The following OR1J2 variants were observed in gnomAD, a reference collection of about 807,000 sequenced individuals.
The protein encoded by OR1J2 is olfactory receptor family 1 subfamily J member 2, also known as olfactory receptor 1J2.
For synonymous variants in OR1J2, 142 were observed against 99.7 expected, an observed-to-expected ratio of 1.42 and a Z score of -2.52; for missense variants, 304 against 246.1, an observed-to-expected ratio of 1.24 and a Z score of -1.57.
Position 122,511,225 on chromosome 9 carries a change from G to T in OR1J2, c.424G>T (p.Val142Phe). ...TGTCATCATGAGGGAAGAGCTCTGT[G>T]TCTTCTTAGTGGCTGTATCTTGGAT... is the stretch of plus-strand genomic sequence containing the variant. The part of the protein sequence containing the change: ...YTVIMREELC[V>F]FLVAVSWILS... The change falls in exon 1 of 1, where the codon GTC becomes TTC. Residue 142 changes from valine to phenylalanine, a missense_variant. Transcript: ENST00000335302. 1 of 752,870 alleles carries T rather than the reference G, an allele frequency of 1.3e-6. No homozygotes were observed. The highest frequency in any genetic ancestry group is 2.5e-6 in the Non-Finnish European group (1 of 405,652). The allele number at this position is 752,870 out of a possible 1,614,324, so 46.6% of individuals were successfully genotyped here.
the OR1J2 span, among the ~76,000 whole-genome samples, chr9:122,529,243 G>A: frequency 9.9e-4 from 148 of 148,970 alleles, no homozygotes; most frequent in Middle Eastern, 0.024. Flanking sequence ...GTCCAGAAGG[G>A]TAAGAGATCC....
the OR1J2 span, among the ~76,000 whole-genome samples, chr9:122,451,386 T>C: frequency 6.6e-6 from 1 of 152,018 alleles, no homozygotes; most frequent in African/African-American, 2.4e-5. Flanking sequence ...GGTTTCTCCA[T>C]GTTGGTCAGG....
the OR1J2 span, among the ~76,000 whole-genome samples, chr9:122,452,584 A>T: frequency 6.6e-6 from 1 of 152,290 alleles, no homozygotes; most frequent in South Asian, 2.1e-4. Flanking sequence ...GTTGGGTAAC[A>T]TGCATAGTCC....
chr9:122,495,522 T>C, the OR1J2 span, among the ~76,000 whole-genome samples: 1 of 152,136 alleles, frequency 6.6e-6, no homozygotes, highest in African/African-American at 2.4e-5. Context: ...ATGTGTGTCC[T>C]TGATTTCCAG....
chr9:122,508,377 C>G (rs148411281), upstream of OR1J2, among the ~76,000 whole-genome samples: 1 of 152,114 alleles, frequency 6.6e-6, no homozygotes, highest in Non-Finnish European at 1.5e-5. Flanking sequence ...AGATTTGAAA[C>G]CTGCCACCGA....
chr9:122,509,138 C>T (rs1588188553), upstream of OR1J2, among the ~76,000 whole-genome samples: 1 of 152,194 alleles, frequency 6.6e-6, no homozygotes, highest in Admixed American at 6.5e-5. Flanking sequence ...TGATTAGCAA[C>T]CTTAATTCCA....
chr9:122,545,040 T>C, the OR1J2 span, among the ~76,000 whole-genome samples: 2 of 152,160 alleles, frequency 1.3e-5, no homozygotes, highest in African/African-American at 4.8e-5. Context: ...ACATTTTTAA[T>C]ATAATTCATC....
the OR1J2 span, chr9:122,568,313 AT>A: frequency 6.2e-7 from 1 of 1,614,130 alleles, no homozygotes; most frequent in South Asian, 1.1e-5. Flanking sequence ...GGGTCTGAAG[AT>A]GGGGGTTGAA....
chr9:122,556,623 A>G, the OR1J2 span, among the ~76,000 whole-genome samples: 1 of 152,154 alleles, frequency 6.6e-6, no homozygotes, highest in Non-Finnish European at 1.5e-5. Flanking sequence ...ACCATGGCAC[A>G]TGTATACCTA....
At chr9:122,468,827 C>T in the OR1J2 span, among the ~76,000 whole-genome samples, 1 of 152,220 alleles carries the variant, frequency 6.6e-6, no homozygotes, top group Non-Finnish European at 1.5e-5. Flanking sequence ...TCCTATGAAC[C>T]TCTTCTACTT....
At chr9:122,464,321 A>G in the OR1J2 span, among the ~76,000 whole-genome samples, 1 of 152,180 alleles carries the variant, frequency 6.6e-6, no homozygotes, top group Non-Finnish European at 1.5e-5. Context: ...ACCGCCCGCC[A>G]GCAGCAGCGA....
the OR1J2 span, among the ~76,000 whole-genome samples, chr9:122,539,608 G>A: frequency 4.6e-5 from 7 of 151,938 alleles, 1 homozygote; most frequent in East Asian, 1.9e-4. Flanking sequence ...AGCATGATTT[G>A]TAATCCTTTG....
At chr9:122,527,125 T>G in the OR1J2 span, 1 of 1,614,054 alleles carries the variant, frequency 6.2e-7, no homozygotes. Context: ...AAAAAGTACA[T>G]GGGGGTGTGG....
rs201787894 is a variant in OR1J2 at position 122,511,467 on chromosome 9, G to A, written c.666G>A (p.Gly222=). Residue 222 remains glycine, a synonymous_variant, in exon 1 of 1, where the codon GGG becomes GGA. Transcript: ENST00000335302. ...MCILVSYGYI[G]ATILRVPSTK... The stretch of plus-strand genomic sequence containing the variant: ...TCCTGGTATCATATGGCTACATTGG[G>A]GCCACCATCCTGAGGGTCCCTTCAA... 3.7e-5 allele frequency: 29 copies of A among 780,200 alleles called. No homozygotes were observed. Among genetic ancestry groups the A allele is most frequent in the Admixed American group, 6.8e-5 (4 of 58,944 alleles). 48.3% of individuals were successfully genotyped at this position (780,200 alleles called of 1,614,324 possible).
the OR1J2 span, chr9:122,477,739 A>G: frequency 2.5e-6 from 4 of 1,614,142 alleles, no homozygotes; most frequent in Non-Finnish European, 3.4e-6. Context: ...CAAGTGGCTA[A>G]GGAAGAAGTA....
At chr9:122,555,431 G>A in the OR1J2 span, among the ~76,000 whole-genome samples, 2 of 152,142 alleles carry the variant, frequency 1.3e-5, no homozygotes, top group Admixed American at 1.3e-4. Flanking sequence ...ACTTGGCCCT[G>A]ACCATAGCAA....
chr9:122,494,950 T>C, the OR1J2 span, among the ~76,000 whole-genome samples: 1 of 152,200 alleles, frequency 6.6e-6, no homozygotes, highest in Non-Finnish European at 1.5e-5. Flanking sequence ...TGAAGCCTAG[T>C]TTTGCTGGAT....
the OR1J2 span, among the ~76,000 whole-genome samples, chr9:122,572,109 A>G: frequency 1.3e-5 from 2 of 152,162 alleles, no homozygotes; most frequent in Non-Finnish European, 2.9e-5. Flanking sequence ...CTTTTTAAAC[A>G]AGTAGATCTT....
At chr9:122,544,196 AT>A in the OR1J2 span, among the ~76,000 whole-genome samples, 29 of 151,684 alleles carry the variant, frequency 1.9e-4, no homozygotes, top group African/African-American at 1.5e-4. Context: ...TTTAAATTTA[AT>A]TTTTTTTAAA....
Sources: allele counts gnomAD v4.1 joint callset (sites outside exome capture counted in the v4.1 genomes callset), GRCh38; gene constraint gnomAD v4.1.1; transcripts MANE v1.5; gene names NCBI Gene and HGNC (gene_info 2026-07-23, HGNC 2026-07-21).